Variants in ZNF536 observed in about 807,000 individuals in gnomAD.
ZNF536 encodes zinc finger protein 536.
ZNF536 carries 13 observed loss-of-function variants against 84.5 expected under a neutral mutation model. The ratio of observed to expected loss-of-function variants is 0.15; its 90% CI spans 0.10 to 0.24. ZNF536 has a LOEUF of 0.24. Ranked by LOEUF, ZNF536 falls within the 10% of genes least tolerant of loss-of-function variation. ZNF536 has a pLI of 1.00. For synonymous variants in ZNF536, 811 were observed against 742.5 expected (o/e 1.09, Z -1.50); for missense variants, 1,536 against 1,747.5 (o/e 0.88, Z 2.16).
intron 1 of ZNF536, among the ~76,000 whole-genome samples, chr19:30,660,632 A>G (rs1228429099): frequency 6.6e-6 from 1 of 152,256 alleles, no homozygotes; most frequent in African/African-American, 2.4e-5. Flanking sequence ...TGAGTAATCA[A>G]TTATTCAATT....
intron 1 of ZNF536, among the ~76,000 whole-genome samples, chr19:30,423,574 C>A (rs1434562280): frequency 1.3e-5 from 2 of 152,214 alleles, no homozygotes; most frequent in Non-Finnish European, 2.9e-5. Context: ...CCTGTGGAGT[C>A]CAAGAATGCT....
At chr19:30,677,928 G>A (rs2050814051) in intron 1 of ZNF536, among the ~76,000 whole-genome samples, 1 of 152,112 alleles carries the variant, frequency 6.6e-6, no homozygotes, top group Non-Finnish European at 1.5e-5. Context: ...ATGGGCACAG[G>A]TAGCCCCCAG....
At chr19:30,703,125 T>A (rs563067682) in intron 1 of ZNF536, among the ~76,000 whole-genome samples, 82 of 151,270 alleles carry the variant, frequency 5.4e-4, no homozygotes, top group African/African-American at 1.8e-3. Flanking sequence ...TTTGCAGGAG[T>A]TGGATGAAGT....
At chr19:30,605,817 A>G (rs2047849606) in intron 1 of ZNF536, among the ~76,000 whole-genome samples, 1 of 152,202 alleles carries the variant, frequency 6.6e-6, no homozygotes, top group African/African-American at 2.4e-5. Flanking sequence ...TCACCAGCTC[A>G]CAGTCCATGT....
chr19:30,390,326 C>T (rs756433504), intron 1 of ZNF536, among the ~76,000 whole-genome samples: 5 of 152,112 alleles, frequency 3.3e-5, no homozygotes, highest in Admixed American at 6.5e-5. Flanking sequence ...TTAATAAGCT[C>T]GCATGCTGAA....
chr19:30,315,558 A>G (rs1161649512), intron 2 of ZNF536, among the ~76,000 whole-genome samples: 1 of 152,162 alleles, frequency 6.6e-6, no homozygotes, highest in Non-Finnish European at 1.5e-5. Context: ...TTGGTACTGG[A>G]GGAGGAGGGG....
intron 1 of ZNF536, among the ~76,000 whole-genome samples, chr19:30,379,524 A>T (rs1048200025): frequency 7.3e-5 from 11 of 150,722 alleles, no homozygotes; most frequent in African/African-American, 2.4e-4. Flanking sequence ...TGGGGCAGGG[A>T]TGTATCATCG....
In ZNF536 at chr19:30,301,490, A is replaced by G. The variant is rs187505156; in HGVS notation, c.-120+17349A>G. Among the ~76,000 whole-genome samples, 227 of 152,300 alleles carry G rather than the reference A, an allele frequency of 1.5e-3. 1 individual carries two copies. Among genetic ancestry groups the G allele is most frequent in the African/African-American group, 5.1e-3 (212 of 41,552 alleles). ...TTTAACAACTCTTGCGAATTGCATGACTGCACATTCCGTGTTCACAGTTTG... is the reference window on the plus strand; with the variant it reads ...TTTAACAACTCTTGCGAATTGCATGGCTGCACATTCCGTGTTCACAGTTTG... On this transcript the variant is annotated intron_variant, in intron 2 of 5. Coordinates refer to the ZNF536 transcript ENST00000585628.
downstream of ZNF536, among the ~76,000 whole-genome samples, chr19:30,558,223 G>A (rs1450930864): frequency 6.6e-6 from 1 of 152,154 alleles, no homozygotes; most frequent in African/African-American, 2.4e-5. Context: ...TCCACTCTTA[G>A]GTGGGCCCTG....
intron 2 of ZNF536, among the ~76,000 whole-genome samples, chr19:30,484,526 G>A (rs924760232): frequency 1.3e-5 from 2 of 150,772 alleles, no homozygotes; most frequent in Non-Finnish European, 2.9e-5. Flanking sequence ...GTGAGCCACC[G>A]CATGCAGCCT....
intron 2 of ZNF536, among the ~76,000 whole-genome samples, chr19:30,334,493 T>G (rs2047315504): frequency 6.6e-6 from 1 of 152,132 alleles, no homozygotes; most frequent in South Asian, 2.1e-4. Flanking sequence ...AGGGTTGGTA[T>G]TAGGACGTCT....
chr19:30,625,071 C>A (rs2048626811), intron 1 of ZNF536, among the ~76,000 whole-genome samples: 1 of 152,298 alleles, frequency 6.6e-6, no homozygotes, highest in African/African-American at 2.4e-5. Flanking sequence ...TGGGCAGTAT[C>A]TTTATAGCAG....
At chr19:30,239,174 C>T (rs895355498) in intron 1 of ZNF536, among the ~76,000 whole-genome samples, 1 of 152,182 alleles carries the variant, frequency 6.6e-6, no homozygotes, top group Non-Finnish European at 1.5e-5. Flanking sequence ...AGCAAGCCTC[C>T]ATCTTCCCCG....
At chr19:30,605,219 G>C (rs1184165507) in intron 1 of ZNF536, among the ~76,000 whole-genome samples, 2 of 152,074 alleles carry the variant, frequency 1.3e-5, no homozygotes, top group Admixed American at 6.5e-5. Context: ...GGGGGGTGCA[G>C]ATGGTTTTTG....
chr19:30,369,597 AAAATTCTTCCAC>A (rs1437059829), upstream of ZNF536, among the ~76,000 whole-genome samples: 1 of 152,250 alleles, frequency 6.6e-6, no homozygotes, highest in Non-Finnish European at 1.5e-5. Flanking sequence ...AGGAAAAGAC[AAAATTCTTCCAC>A]AAATTGCAAA....
At chr19:30,528,278 A>G (rs1457641926) in intron 2 of ZNF536, among the ~76,000 whole-genome samples, 2 of 152,090 alleles carry the variant, frequency 1.3e-5, no homozygotes, top group African/African-American at 4.8e-5. Context: ...GGGCATCTGA[A>G]GGGTAAGGCT....
Position 30,455,035 on chromosome 19 carries a change from A to AAAACAAACAAAC in ZNF536, c.2170+9327_2170+9338dup, listed in dbSNP as rs56166320. On this transcript the variant is annotated intron_variant, in intron 2 of 4. Transcript: ENST00000355537. ...GCAACAAGAGCAAAACTCCATCTCA[A>AAAACAAACAAAC]AAACAAACAAACAAACAAACAAACA... Among the ~76,000 whole-genome samples, 72 of 149,830 alleles carry AAAACAAACAAAC rather than the reference A, an allele frequency of 4.8e-4. 1 individual carries two copies. The highest frequency in any genetic ancestry group is 8.2e-4 in the Non-Finnish European group (55 of 67,316).
chr19:30,631,027 G>A (rs1194740910), intron 1 of ZNF536, among the ~76,000 whole-genome samples: 1 of 152,152 alleles, frequency 6.6e-6, no homozygotes. Flanking sequence ...TGTGTATTTG[G>A]AAGGCTCCCC....
chr19:30,377,245 T>C (rs2048852408), intron 1 of ZNF536, among the ~76,000 whole-genome samples: 1 of 152,146 alleles, frequency 6.6e-6, no homozygotes, highest in Non-Finnish European at 1.5e-5. Flanking sequence ...AGCCTCGGGA[T>C]GTGGTGGGAG....
Sources: gnomAD v4.1 joint callset for allele counts (sites outside exome capture counted in the v4.1 genomes callset) on GRCh38, gnomAD v4.1.1 for gene constraint, MANE v1.5 for transcripts, NCBI Gene and HGNC (gene_info 2026-07-23, HGNC 2026-07-21) for gene names.